FSTL5: variants seen among roughly 807,000 people sequenced by gnomAD.
The protein encoded by FSTL5 is follistatin-related protein 5.
FSTL5 carries 62 observed loss-of-function variants against 89.1 expected under a neutral mutation model. The ratio of observed to expected loss-of-function variants is 0.70; its 90% CI spans 0.57 to 0.86. The LOEUF is 0.86. Among genes scored for constraint, FSTL5 ranks in the 40% least tolerant of loss-of-function variants. FSTL5 has a pLI of 0.00. For synonymous variants in FSTL5, 383 were observed against 346.2 expected (o/e 1.11, Z -1.18); for missense variants, 1,057 against 1,001.6 (o/e 1.06, Z -0.75).
chr4:161,401,170 A>T (rs1421114432), intron 15 of FSTL5, among the ~76,000 whole-genome samples: 2 of 152,318 alleles, frequency 1.3e-5, no homozygotes, highest in Non-Finnish European at 2.9e-5. Context: ...GTGAGGACAA[A>T]CAAGGTTGAA....
At chr4:161,819,099 C>T (rs182136099) in intron 4 of FSTL5, among the ~76,000 whole-genome samples, 1 of 152,108 alleles carries the variant, frequency 6.6e-6, no homozygotes, top group African/African-American at 2.4e-5. Context: ...GGCATATATA[C>T]ATTAATTTGC....
At chr4:162,100,327 G>A (rs761648514) in intron 2 of FSTL5, among the ~76,000 whole-genome samples, 13 of 152,118 alleles carry the variant, frequency 8.5e-5, no homozygotes, top group Non-Finnish European at 8.8e-5. Flanking sequence ...TTGGGAGGCC[G>A]AGGCGGGTGG....
chr4:161,586,299 A>G (rs908574216), intron 8 of FSTL5, among the ~76,000 whole-genome samples: 3 of 152,164 alleles, frequency 2.0e-5, no homozygotes, highest in Admixed American at 1.3e-4. Flanking sequence ...ATGTTCCTCA[A>G]TTGAATACTT....
intron 15 of FSTL5, among the ~76,000 whole-genome samples, chr4:161,411,687 A>G (rs1731598076): frequency 6.6e-6 from 1 of 152,174 alleles, no homozygotes; most frequent in Non-Finnish European, 1.5e-5. Flanking sequence ...GAACATACCT[A>G]GAAATAACAA....
At chr4:161,856,388 TTAAA>T (rs1258123488) in intron 4 of FSTL5, among the ~76,000 whole-genome samples, 5 of 151,988 alleles carry the variant, frequency 3.3e-5, no homozygotes, top group East Asian at 1.9e-4. Context: ...AATTATAAAA[TTAAA>T]TAAATAATGA....
chr4:161,993,066 C>T (rs1281693584), intron 3 of FSTL5, among the ~76,000 whole-genome samples: 1 of 149,202 alleles, frequency 6.7e-6, no homozygotes, highest in African/African-American at 2.5e-5. Context: ...CAAATGATGC[C>T]TTATTTGATA....
In FSTL5 at chr4:161,923,945, T is replaced by G. The variant is rs115861327; in HGVS notation, c.161-3293A>C. Among the ~76,000 whole-genome samples, 616 of 151,864 alleles carry G rather than the reference T, an allele frequency of 4.1e-3. 5 individuals carry two copies. The highest frequency in any genetic ancestry group is 0.014 in the African/African-American group (595 of 41,514). ...AATTCATATGCAATCCAAAGAAAGCTCATATTATGTAAATGAATAGCTAGA... is the reference window on the plus strand; with the variant it reads ...AATTCATATGCAATCCAAAGAAAGCGCATATTATGTAAATGAATAGCTAGA... On this transcript the variant is annotated intron_variant, in intron 3 of 15. Coordinates refer to ENST00000306100, the MANE Select transcript of FSTL5 (RefSeq NM_020116.5).
intron 12 of FSTL5, among the ~76,000 whole-genome samples, chr4:161,483,792 T>C (rs1344677178): frequency 6.6e-6 from 1 of 152,094 alleles, no homozygotes; most frequent in Admixed American, 6.6e-5. Flanking sequence ...ATTAAGATAA[T>C]ACATACTGAT....
intron 7 of FSTL5, among the ~76,000 whole-genome samples, chr4:161,615,444 C>CA (rs570217571): frequency 0.014 from 1,186 of 87,046 alleles, 11 homozygotes; most frequent in Non-Finnish European, 0.02. Flanking sequence ...GACTCCATCT[C>CA]AAAAAAAAAA....
rs553723339 is a variant in FSTL5 at position 162,155,400 on chromosome 4, A to G, written c.-17+8215T>C. Among the ~76,000 whole-genome samples, 17 of 152,294 alleles carry G rather than the reference A, an allele frequency of 1.1e-4. No individual in the cohort carries two copies. In the South Asian group the frequency reaches 2.5e-3, roughly 22 times the overall value. On this transcript the variant is annotated intron_variant, in intron 1 of 15. Coordinates refer to ENST00000306100, the MANE Select transcript of FSTL5 (RefSeq NM_020116.5). ...TCTTGGAGAATCTCAAGCCTCAAATAAAAACCCAGGGCTGGCAGAAACCTT... is the reference window on the plus strand; with the variant it reads ...TCTTGGAGAATCTCAAGCCTCAAATGAAAACCCAGGGCTGGCAGAAACCTT...
rs1211873676 is a variant in FSTL5 at position 161,759,568 on chromosome 4, T to A, written c.607-37A>T. Reference sequence around the variant, plus strand: ...ATTATAAACCATACCTTTAGATTTGTGTCTTAAAATTTCTATAATATAATT... The same window carrying A: ...ATTATAAACCATACCTTTAGATTTGAGTCTTAAAATTTCTATAATATAATT... On this transcript the variant is annotated intron_variant, in intron 5 of 15. Transcript: ENST00000306100. 3 of 1,298,804 alleles carry A rather than the reference T, an allele frequency of 2.3e-6. No homozygotes were observed. In the South Asian group the frequency reaches 5.0e-5, roughly 22 times the overall value. 80.5% of individuals were successfully genotyped at this position (1,298,804 alleles called of 1,614,324 possible).
chr4:161,566,594 C>A (rs1234171281), intron 8 of FSTL5, among the ~76,000 whole-genome samples: 3 of 152,004 alleles, frequency 2.0e-5, no homozygotes, highest in Admixed American at 2.0e-4. Context: ...GTATTCCTGT[C>A]TCTGCAGCCT....
At chr4:162,001,598 T>TTGTGTG (rs34546507) in intron 3 of FSTL5, among the ~76,000 whole-genome samples, 13,530 of 149,816 alleles carry the variant, frequency 0.09, 668 homozygotes, top group Middle Eastern at 0.21. Flanking sequence ...GATACATGCA[T>TTGTGTG]TGTGTGTGTG....
At chr4:161,706,017 G>T (rs1433710760) in intron 6 of FSTL5, among the ~76,000 whole-genome samples, 6 of 103,614 alleles carry the variant, frequency 5.8e-5, no homozygotes, top group African/African-American at 1.4e-4. Flanking sequence ...CACACACACA[G>T]ACTATACCTT....
chr4:161,683,023 G>A (rs1737580149), intron 6 of FSTL5, among the ~76,000 whole-genome samples: 1 of 152,106 alleles, frequency 6.6e-6, no homozygotes, highest in South Asian at 2.1e-4. Flanking sequence ...GGGATTACAG[G>A]CGTGAGCCAC....
chr4:161,803,283 C>T (rs531057919), intron 4 of FSTL5, among the ~76,000 whole-genome samples: 3 of 152,066 alleles, frequency 2.0e-5, no homozygotes, highest in African/African-American at 7.2e-5. Flanking sequence ...CAAGCATCTA[C>T]AAGTTCTTGT....
intron 11 of FSTL5, among the ~76,000 whole-genome samples, chr4:161,507,360 CTGAA>C (rs1288169815): frequency 6.6e-6 from 1 of 151,424 alleles, no homozygotes; most frequent in Admixed American, 6.6e-5. Context: ...ACAAATCATA[CTGAA>C]TATTTTAATG....
chr4:161,572,697 G>T (rs988975445), intron 8 of FSTL5, among the ~76,000 whole-genome samples: 1 of 152,078 alleles, frequency 6.6e-6, no homozygotes, highest in Non-Finnish European at 1.5e-5. Flanking sequence ...GTAGTGCACA[G>T]ACTGGAGCAA....
chr4:161,642,520 A>T (rs551915541), intron 7 of FSTL5, among the ~76,000 whole-genome samples: 2 of 152,222 alleles, frequency 1.3e-5, no homozygotes, highest in Non-Finnish European at 2.9e-5. Context: ...ACCAAAATAC[A>T]GCAAGATGGA....
Sources: gnomAD v4.1 joint callset for allele counts (sites outside exome capture counted in the v4.1 genomes callset) on GRCh38, gnomAD v4.1.1 for gene constraint, MANE v1.5 for transcripts, NCBI Gene and HGNC (gene_info 2026-07-23, HGNC 2026-07-21) for gene names.